Variants in ST3GAL1 observed in about 807,000 individuals in gnomAD.
ST3GAL1 encodes the protein ST3 beta-galactoside alpha-2,3-sialyltransferase 1.
In ST3GAL1, 16 loss-of-function variants were observed where a neutral mutation model predicts 34.1. The observed-to-expected ratio is 0.47, with a 90% CI of 0.32 to 0.71. The LOEUF is 0.71. Ranked by LOEUF, ST3GAL1 falls within the 30% of genes least tolerant of loss-of-function variation. The pLI is 0.04. For missense variants in ST3GAL1, 353 were observed against 447.4 expected, an observed-to-expected ratio of 0.79 and a Z score of 1.90; for synonymous variants, 191 against 184.7, an observed-to-expected ratio of 1.03 and a Z score of -0.28.
At chr8:133,491,777 T>A (rs1299583973) in intron 3 of ST3GAL1, among the ~76,000 whole-genome samples, 3 of 152,114 alleles carry the variant, frequency 2.0e-5, no homozygotes, top group Non-Finnish European at 4.4e-5. Context: ...GCATTTCGCA[T>A]GAACCATCCC....
chr8:133,462,068 A>G, intron 8 of ST3GAL1, 74 bp from the exon 9 acceptor site: 1 of 1,601,352 alleles, frequency 6.2e-7, no homozygotes, highest in Middle Eastern at 1.7e-4. Context: ...TCAGATGTAC[A>G]TACTGTTGTG....
chr8:133,551,601 A>T (rs970802674), intron 1 of ST3GAL1, among the ~76,000 whole-genome samples: 1 of 148,364 alleles, frequency 6.7e-6, no homozygotes, highest in African/African-American at 2.5e-5. Flanking sequence ...AAAGAAAGAA[A>T]GAAAGAAAGA....
intron 2 of ST3GAL1, among the ~76,000 whole-genome samples, chr8:133,537,322 C>T (rs533064178): frequency 1.3e-5 from 2 of 152,248 alleles, no homozygotes; most frequent in East Asian, 3.9e-4. Flanking sequence ...ATGGAAGCTT[C>T]CTGACATCAG....
At chr8:133,504,206 T>G (rs1035259687) in intron 2 of ST3GAL1, among the ~76,000 whole-genome samples, 8 of 152,130 alleles carry the variant, frequency 5.3e-5, no homozygotes, top group Non-Finnish European at 1.2e-4. Flanking sequence ...GGCAGTGCCT[T>G]CCCCAAGGTC....
intron 3 of ST3GAL1, among the ~76,000 whole-genome samples, chr8:133,498,883 G>A (rs185691491): frequency 2.3e-4 from 35 of 152,294 alleles, no homozygotes; most frequent in Middle Eastern, 3.4e-3. Flanking sequence ...ACCCAGGTGC[G>A]CCTAAGCTCC....
intron 2 of ST3GAL1, among the ~76,000 whole-genome samples, chr8:133,538,298 T>C (rs1818365934): frequency 6.6e-6 from 1 of 152,214 alleles, no homozygotes; most frequent in South Asian, 2.1e-4. Flanking sequence ...GGGGATCACC[T>C]GAGGTCAGGA....
intron 2 of ST3GAL1, among the ~76,000 whole-genome samples, chr8:133,506,096 A>T (rs1252421463): frequency 6.6e-6 from 1 of 152,244 alleles, no homozygotes; most frequent in Non-Finnish European, 1.5e-5. Flanking sequence ...TGACCTGGGC[A>T]GTACCGACAT....
chr8:133,513,636 C>T (rs1336067791), intron 2 of ST3GAL1, among the ~76,000 whole-genome samples: 1 of 152,132 alleles, frequency 6.6e-6, no homozygotes, highest in African/African-American at 2.4e-5. Context: ...TGGCTCACAC[C>T]TGTAATCCCA....
chr8:133,499,154 G>A lies in ST3GAL1; in HGVS notation c.-393C>T, dbSNP rs1012524167. 1.3e-5 allele frequency: 2 copies of A among 152,272 alleles called. No homozygotes were observed. The highest frequency in any genetic ancestry group is 2.4e-5 in the African/African-American group (1 of 41,450). The allele number at this position is 152,272 out of a possible 1,614,324, so 9.4% of individuals were successfully genotyped here. On this transcript the variant is annotated 5_prime_UTR_variant, in exon 3 of 10. Coordinates refer to ENST00000522652, the MANE Select transcript of ST3GAL1 (RefSeq NM_173344.3). ...ACTTACCGGCTGTGTGACCTCAGTG[G>A]AGTCTCTTAACCTCTCTGAACCTCA...
intron 3 of ST3GAL1, among the ~76,000 whole-genome samples, chr8:133,496,267 C>T (rs3739257): frequency 0.13 from 20,415 of 152,146 alleles, 1,855 homozygotes; most frequent in East Asian, 0.52. Context: ...CTGAGCCCTG[C>T]GGAAAGAGAG....
At position 133,459,518 on chromosome 8, in the gene ST3GAL1, G is replaced by A; in HGVS notation, c.*246C>T. ...TTTCCCAGCGTCTCCCCAGCTCTAGGGCAGCAGTGGGGGGACGTTGTCCCC... is the reference window on the plus strand; with the variant it reads ...TTTCCCAGCGTCTCCCCAGCTCTAGAGCAGCAGTGGGGGGACGTTGTCCCC... On this transcript the variant is annotated 3_prime_UTR_variant, in exon 10 of 10. Coordinates refer to ENST00000522652, the MANE Select transcript of ST3GAL1 (RefSeq NM_173344.3). The surrounding 1 kb of genome is among the most constrained non-coding windows in gnomAD (Gnocchi z 4.7). 5.1e-6 allele frequency: 2 copies of A among 395,808 alleles called. No homozygotes were observed. Among genetic ancestry groups the A allele is most frequent in the Non-Finnish European group, 8.9e-6 (2 of 223,726 alleles). 24.5% of individuals were successfully genotyped at this position (395,808 alleles called of 1,614,324 possible). A position where few individuals can be genotyped will look rare whatever the true frequency, so the allele number is the denominator to read the frequency against.
intron 1 of ST3GAL1, among the ~76,000 whole-genome samples, chr8:133,559,952 G>C (rs920747448): frequency 3.2e-4 from 48 of 152,198 alleles, no homozygotes; most frequent in African/African-American, 1.1e-3. Flanking sequence ...AAGCCACAAA[G>C]ATGAGTTCTT....
At chr8:133,491,504 T>C (rs1293086815) in intron 3 of ST3GAL1, among the ~76,000 whole-genome samples, 1 of 152,134 alleles carries the variant, frequency 6.6e-6, no homozygotes, top group Non-Finnish European at 1.5e-5. Flanking sequence ...GGGCTGGAGG[T>C]GTGGCCGCTC....
intron 2 of ST3GAL1, among the ~76,000 whole-genome samples, chr8:133,506,682 G>A (rs1345232819): frequency 6.6e-6 from 1 of 152,132 alleles, no homozygotes; most frequent in Non-Finnish European, 1.5e-5. Flanking sequence ...CTACTCAGGA[G>A]GCTGAGGCAG....
intron 2 of ST3GAL1, among the ~76,000 whole-genome samples, chr8:133,507,022 A>G (rs6989475): frequency 0.062 from 9,488 of 152,192 alleles, 375 homozygotes; most frequent in Middle Eastern, 0.099. Flanking sequence ...CCAGGCCTAC[A>G]AGTTAGTCCT....
chr8:133,560,837 C>A (rs1393237778), intron 1 of ST3GAL1, among the ~76,000 whole-genome samples: 1 of 152,140 alleles, frequency 6.6e-6, no homozygotes, highest in Non-Finnish European at 1.5e-5. Context: ...GTGACTTAAC[C>A]TCTCTGAACC....
At chr8:133,482,842 G>A (rs773673547) in intron 3 of ST3GAL1, among the ~76,000 whole-genome samples, 7 of 152,204 alleles carry the variant, frequency 4.6e-5, no homozygotes, top group African/African-American at 9.7e-5. Flanking sequence ...GTCACTGGAC[G>A]CTTGGAACCC....
chr8:133,541,147 A>AGAGAGAGAGAGAGTGAGG (rs1209540597), intron 2 of ST3GAL1, among the ~76,000 whole-genome samples: 1 of 125,452 alleles, frequency 8.0e-6, no homozygotes, highest in Non-Finnish European at 1.6e-5. Flanking sequence ...AGAGAGAGAG[A>AGAGAGAGAGAGAGTGAGG]GAGAGACTGT....
At chr8:133,555,776 C>G (rs1433505335) in intron 1 of ST3GAL1, among the ~76,000 whole-genome samples, 3 of 152,212 alleles carry the variant, frequency 2.0e-5, no homozygotes, top group Non-Finnish European at 4.4e-5. Context: ...CCACCCCTCA[C>G]TGCTGCTGTT....
Sources: allele counts gnomAD v4.1 joint callset (sites outside exome capture counted in the v4.1 genomes callset), GRCh38; gene constraint gnomAD v4.1.1; non-coding constraint Gnocchi (gnomAD v3.1); transcripts MANE v1.5; gene names NCBI Gene and HGNC (gene_info 2026-07-23, HGNC 2026-07-21).